PXDNL: variants seen among roughly 807,000 people sequenced by gnomAD.
PXDNL encodes peroxidasin like.
In PXDNL, 145 loss-of-function variants were observed where a neutral mutation model predicts 150.8. The observed-to-expected ratio is 0.96, with a 90% CI of 0.84 to 1.10. PXDNL has a LOEUF of 1.10. Ranked by LOEUF, PXDNL falls within the 50% of genes least tolerant of loss-of-function variation. PXDNL has a pLI of 0.00. For missense variants in PXDNL, 2,087 were observed against 1,873.9 expected (o/e 1.11, Z -2.10); for synonymous variants, 757 against 725.7 (o/e 1.04, Z -0.69).
rs553317834 is a variant in PXDNL, at chr8:51,396,485, A to C, written c.3557+11582T>G. Among the ~76,000 whole-genome samples, 56 of 152,344 alleles carry C rather than the reference A, an allele frequency of 3.7e-4. No individual in the cohort carries two copies. In the South Asian group the frequency reaches 0.011, roughly 30 times the overall value. The stretch of plus-strand genomic sequence containing the variant: ...ATTTAAAAATAAACAGGCTGGGTGC[A>C]GTGGCTCATGCCTGTAATCCCAGCA... On this transcript the variant is annotated intron_variant, in intron 17 of 22. Transcript: ENST00000356297.
chr8:51,345,868 A>C lies in PXDNL; in HGVS notation c.3981T>G (p.Val1327=). The C allele has an allele frequency of 6.2e-7, 1 of 1,613,428 alleles. No homozygotes were observed. Among genetic ancestry groups the C allele is most frequent in the Non-Finnish European group, 8.5e-7 (1 of 1,179,350 alleles). The change falls in exon 20 of 23, where the codon GTT becomes GTG. Residue 1327 remains valine, a synonymous_variant. Coordinates refer to ENST00000356297, the MANE Select transcript of PXDNL (RefSeq NM_144651.5). The part of the protein sequence containing the change: ...KKRSAQYSYP[V]DKDMELSHLR... ...GATGACTTAACTCCATATCCTTATC[A>C]ACAGGATAGCTGTATTGAGCTGAGC...
chr8:51,699,369 T>C (rs1190697559), intron 1 of PXDNL, among the ~76,000 whole-genome samples: 3 of 152,188 alleles, frequency 2.0e-5, no homozygotes, highest in African/African-American at 7.2e-5. Context: ...AGCTTCAAAT[T>C]TTCTTCTCTA....
chr8:51,792,395 A>G (rs2037521448), intron 1 of PXDNL, among the ~76,000 whole-genome samples: 1 of 152,156 alleles, frequency 6.6e-6, no homozygotes, highest in Non-Finnish European at 1.5e-5. Context: ...CTGGGAAACC[A>G]CGCTTTTTCC....
intron 2 of PXDNL, among the ~76,000 whole-genome samples, chr8:51,644,643 G>C (rs1426484674): frequency 2.0e-5 from 3 of 151,054 alleles, no homozygotes; most frequent in Non-Finnish European, 4.4e-5. Flanking sequence ...ATTTTTAGTA[G>C]AGATGGGGTT....
chr8:51,323,324 G>A (rs1805383995), intron 21 of PXDNL, among the ~76,000 whole-genome samples: 1 of 152,086 alleles, frequency 6.6e-6, no homozygotes, highest in African/African-American at 2.4e-5. Context: ...CTGTCACCCA[G>A]GCTGGAGTGT....
intron 1 of PXDNL, among the ~76,000 whole-genome samples, chr8:51,690,539 T>C (rs1159866273): frequency 2.0e-5 from 3 of 152,150 alleles, no homozygotes; most frequent in African/African-American, 2.4e-5. Flanking sequence ...ATGGTGTATA[T>C]GTGCCACATT....
At chr8:51,327,743 A>T (rs979911154) in intron 21 of PXDNL, among the ~76,000 whole-genome samples, 11 of 152,230 alleles carry the variant, frequency 7.2e-5, no homozygotes, top group Non-Finnish European at 1.5e-4. Context: ...CAACTCCAGC[A>T]TTAGTTCCAG....
chr8:51,635,680 C>A (rs192174218), intron 2 of PXDNL, among the ~76,000 whole-genome samples: 3 of 151,656 alleles, frequency 2.0e-5, no homozygotes, highest in Non-Finnish European at 2.9e-5. Context: ...GAGTGGGGGG[C>A]GAAGTACTTT....
rs117154641 is a variant in PXDNL at position 51,403,827 on chromosome 8, T to C, written c.3557+4240A>G. On this transcript the variant is annotated intron_variant, in intron 17 of 22. Transcript: ENST00000356297. ...TAGGTCATGATGTGTTCGGAATTGG[T>C]GAGGTCTCGGTCTCACTGACTTCAA... Among the ~76,000 whole-genome samples the C allele has an allele frequency of 4.9e-4, 75 of 152,286 alleles. 1 individual carries two copies. The East Asian group carries it at 0.013, about 27-fold the overall frequency.
At chr8:51,370,273 T>C (rs1807061172) in intron 19 of PXDNL, among the ~76,000 whole-genome samples, 1 of 152,056 alleles carries the variant, frequency 6.6e-6, no homozygotes, top group Non-Finnish European at 1.5e-5. Context: ...CCCTGGCCTC[T>C]ACACGGAGCC....
At chr8:51,735,520 A>T (rs1460118329) in intron 1 of PXDNL, among the ~76,000 whole-genome samples, 2 of 130,032 alleles carry the variant, frequency 1.5e-5, no homozygotes, top group African/African-American at 5.3e-5. Flanking sequence ...TAATTAATTA[A>T]AAATTGTTTT....
chr8:51,577,992 A>AGG (rs1317375916), intron 3 of PXDNL, among the ~76,000 whole-genome samples: 76 of 58,578 alleles, frequency 1.3e-3, no homozygotes, highest in African/African-American at 1.9e-3. Flanking sequence ...AGAAAGAAAG[A>AGG]AAGAAAGAGG....
At chr8:51,694,853 A>G (rs886565665) in intron 1 of PXDNL, among the ~76,000 whole-genome samples, 1 of 152,242 alleles carries the variant, frequency 6.6e-6, no homozygotes, top group African/African-American at 2.4e-5. Flanking sequence ...AAATCTACAT[A>G]CATCCAAATC....
intron 2 of PXDNL, among the ~76,000 whole-genome samples, chr8:51,650,041 T>A (rs1815000823): frequency 6.7e-6 from 1 of 148,622 alleles, no homozygotes; most frequent in Admixed American, 6.9e-5. Context: ...AGGCAGAGGT[T>A]GTAGTGAGCT....
chr8:51,341,618 T>C (rs1805986377), intron 20 of PXDNL, among the ~76,000 whole-genome samples: 1 of 152,186 alleles, frequency 6.6e-6, no homozygotes, highest in Non-Finnish European at 1.5e-5. Flanking sequence ...ATTCTCCATT[T>C]CGTCCTCCTC....
At chr8:51,403,009 G>C (rs1808309153) in intron 17 of PXDNL, among the ~76,000 whole-genome samples, 1 of 149,662 alleles carries the variant, frequency 6.7e-6, no homozygotes, top group Non-Finnish European at 1.5e-5. Flanking sequence ...AGAATGGCGT[G>C]AACCCGGGAG....
chr8:51,754,913 C>T (rs936047936), intron 1 of PXDNL, among the ~76,000 whole-genome samples: 10 of 152,150 alleles, frequency 6.6e-5, no homozygotes, highest in Admixed American at 1.3e-4. Flanking sequence ...TTTAGAGATG[C>T]GGTCTCACCA....
intron 1 of PXDNL, among the ~76,000 whole-genome samples, chr8:51,713,041 TA>T: frequency 6.6e-6 from 1 of 152,196 alleles, no homozygotes; most frequent in Non-Finnish European, 1.5e-5. Flanking sequence ...ATCTTTCTCC[TA>T]AAAATGTGAG....
intron 19 of PXDNL, among the ~76,000 whole-genome samples, chr8:51,370,754 G>T (rs534459662): frequency 6.6e-6 from 1 of 152,242 alleles, no homozygotes; most frequent in East Asian, 1.9e-4. Context: ...CCATCATCAC[G>T]CCTGGCTAAT....
Sources: allele counts gnomAD v4.1 joint callset (sites outside exome capture counted in the v4.1 genomes callset), GRCh38; gene constraint gnomAD v4.1.1; transcripts MANE v1.5; gene names NCBI Gene and HGNC (gene_info 2026-07-23, HGNC 2026-07-21).